Variants in AK9 observed in about 807,000 individuals in gnomAD.
AK9 encodes the protein adenylate kinase 9.
A neutral mutation model predicts 239.6 loss-of-function variants in AK9; 191 were observed. The observed-to-expected ratio is 0.80, with a 90% CI of 0.71 to 0.90. The LOEUF (loss-of-function observed/expected upper bound fraction) is 0.90, where lower values mean the gene tolerates loss of function less well. AK9 is among the 40% of genes least tolerant of loss of function. The probability of loss-of-function intolerance (pLI) is 0.00; values close to 1 mark genes in which losing one functional copy is unlikely to be tolerated. For missense variants in AK9, 1,995 were observed against 2,214.7 expected (o/e 0.90, Z 1.99); for synonymous variants, 689 against 721.0 (o/e 0.96, Z 0.71).
chr6:109,496,136 T>C (rs1777012710), intron 38 of AK9, among the ~76,000 whole-genome samples: 1 of 152,360 alleles, frequency 6.6e-6, no homozygotes, highest in Admixed American at 6.5e-5. Flanking sequence ...GCAGATGGGA[T>C]TTGATCCACA....
At chr6:109,626,265 A>C (rs1279477730) in intron 12 of AK9, among the ~76,000 whole-genome samples, 1 of 152,128 alleles carries the variant, frequency 6.6e-6, no homozygotes, top group Non-Finnish European at 1.5e-5. Flanking sequence ...CACTTTAAAG[A>C]TTTTATCTGC....
intron 1 of AK9, among the ~76,000 whole-genome samples, chr6:109,686,687 C>T (rs980189262): frequency 6.6e-6 from 1 of 152,200 alleles, no homozygotes; most frequent in African/African-American, 2.4e-5. Flanking sequence ...TCTGTAGATC[C>T]TTGCTGTCTG....
chr6:109,502,168 T>C (rs776997893), intron 35 of AK9, among the ~76,000 whole-genome samples: 13 of 152,150 alleles, frequency 8.5e-5, no homozygotes, highest in Non-Finnish European at 1.3e-4. Context: ...ACTGAGTAAC[T>C]TGCTTCGAAT....
Position 109,493,056 on chromosome 6 carries a change from A to C in AK9, c.*313T>G, listed in dbSNP as rs1776684997. ...TTTTCTACTGAAAATGTTAAAAAGG[A>C]AAATAATACATTTATTAAATAAGTC... On this transcript the variant is annotated 3_prime_UTR_variant, in exon 41 of 41. Transcript: ENST00000424296. 5.1e-6 allele frequency: 1 copy of C among 194,686 alleles called. No homozygotes were observed. The highest frequency in any genetic ancestry group is 1.0e-5 in the Non-Finnish European group (1 of 95,826). The allele number at this position is 194,686 out of a possible 1,614,324, so 12.1% of individuals were successfully genotyped here.
chr6:109,640,141 G>A (rs12194157), intron 10 of AK9, among the ~76,000 whole-genome samples: 52,587 of 151,872 alleles, frequency 0.35, 9,572 homozygotes, highest in South Asian at 0.44. Context: ...GCTCTTTTTT[G>A]GTTCCATATG....
chr6:109,538,190 A>G (rs561271679), intron 27 of AK9, among the ~76,000 whole-genome samples: 5 of 152,258 alleles, frequency 3.3e-5, no homozygotes, highest in Admixed American at 1.3e-4. Flanking sequence ...GATCTGTCTA[A>G]TGTTGATAGT....
intron 3 of AK9, among the ~76,000 whole-genome samples, chr6:109,673,289 G>T (rs1246842618): frequency 6.6e-6 from 1 of 152,082 alleles, no homozygotes; most frequent in Non-Finnish European, 1.5e-5. Flanking sequence ...TTTACTAACA[G>T]CATGTGGAAT....
At chr6:109,611,435 C>T (rs749712348) in intron 16 of AK9, among the ~76,000 whole-genome samples, 8 of 152,194 alleles carry the variant, frequency 5.3e-5, no homozygotes, top group Non-Finnish European at 8.8e-5. Context: ...TATCCATTCG[C>T]CTCTTCCTTC....
intron 12 of AK9, among the ~76,000 whole-genome samples, chr6:109,631,338 T>C (rs903133395): frequency 4.0e-5 from 6 of 151,868 alleles, no homozygotes; most frequent in Non-Finnish European, 8.8e-5. Context: ...CTCTTACTAA[T>C]AATATACAAA....
Position 109,494,011 on chromosome 6 carries a change from C to T in AK9, c.5503G>A (p.Ala1835Thr), listed in dbSNP as rs1776784525. ...KFPFLSIRRSALLYIALHLKA... is the reference protein window; with the variant it reads ...KFPFLSIRRSTLLYIALHLKA... ...AGATGAAGTGCTATATATAGCAGTG[C>T]AGATCTCCTTATACTTAAAAAGGGG... Residue 1835 changes from alanine to threonine, a missense_variant, in exon 40 of 41, where the codon GCA (alanine) becomes ACA (threonine). Ala to Thr is a moderately conservative substitution (Grantham distance 58, BLOSUM62 0). Around this residue, in one of 5 missense-constraint regions of AK9, gnomAD observed 391 missense variants for 456.0 expected, o/e 0.86. Transcript: ENST00000424296. 1.9e-6 allele frequency: 3 copies of T among 1,611,636 alleles called. No individual in the cohort carries two copies. The highest frequency in any genetic ancestry group is 2.5e-6 in the Non-Finnish European group (3 of 1,178,504).
chr6:109,598,542 ATGTGTC>A (rs1791401757), intron 17 of AK9, among the ~76,000 whole-genome samples: 1 of 152,182 alleles, frequency 6.6e-6, no homozygotes, highest in Admixed American at 6.5e-5. Flanking sequence ...CTACGTGTGC[ATGTGTC>A]TTTATAGCAG....
chr6:109,608,496 G>T (rs1793192102), intron 17 of AK9, among the ~76,000 whole-genome samples: 1 of 151,932 alleles, frequency 6.6e-6, no homozygotes, highest in Admixed American at 6.6e-5. Flanking sequence ...CCACATTGTG[G>T]TCAATGATTA....
intron 39 of AK9, among the ~76,000 whole-genome samples, chr6:109,494,800 A>G (rs1262931505): frequency 1.4e-5 from 2 of 147,788 alleles, no homozygotes; most frequent in East Asian, 4.0e-4. Flanking sequence ...ATAAAATAGT[A>G]AAGATAGCAG....
intron 23 of AK9, 134 bp from the exon 24 acceptor site, chr6:109,563,846 C>A: frequency 8.3e-7 from 1 of 1,208,040 alleles, no homozygotes; most frequent in Non-Finnish European, 1.1e-6. Context: ...TGCAAATAGG[C>A]CTTTATAAGT....
At chr6:109,589,972 A>AT (rs1397320670) in intron 17 of AK9, among the ~76,000 whole-genome samples, 4 of 151,998 alleles carry the variant, frequency 2.6e-5, no homozygotes, top group Non-Finnish European at 5.9e-5. Flanking sequence ...GTTTGCTAGT[A>AT]TTTTTTTGAG....
At chr6:109,528,755 G>T in intron 29 of AK9, 1 of 574,674 alleles carries the variant, frequency 1.7e-6, no homozygotes, top group Non-Finnish European at 3.2e-6. Flanking sequence ...TGTTTGGCTG[G>T]ACATTTTTAT....
At chr6:109,502,029 A>G (rs1777649294) in intron 35 of AK9, among the ~76,000 whole-genome samples, 1 of 152,208 alleles carries the variant, frequency 6.6e-6, no homozygotes, top group African/African-American at 2.4e-5. Context: ...CCTTCACCAT[A>G]TCATCATATC....
Position 109,614,247 on chromosome 6 carries a change from G to C in AK9, c.1545C>G (p.Thr515=). Residue 515 remains threonine (T), a synonymous_variant, in exon 15 of 41, where the codon ACC becomes ACG. Transcript: ENST00000424296. The part of the protein sequence containing the change: ...QRDRGSSLVD[T]EEAKTKSENV... The stretch of plus-strand genomic sequence containing the variant: ...TTTCTGACTTTGTTTTGGCTTCTTC[G>C]GTGTCCACTAAAGAGCTGCCTCTGT... 2 of 1,551,140 alleles carry C rather than the reference G, an allele frequency of 1.3e-6. No homozygotes were observed. Among genetic ancestry groups the C allele is most frequent in the Non-Finnish European group, 1.7e-6 (2 of 1,146,732 alleles).
At chr6:109,596,058 A>C (rs557449292) in intron 17 of AK9, among the ~76,000 whole-genome samples, 1 of 152,208 alleles carries the variant, frequency 6.6e-6, no homozygotes, top group East Asian at 1.9e-4. Context: ...ATCTATTTCT[A>C]TTGGGTATTG....
Sources: allele counts gnomAD v4.1 joint callset (sites outside exome capture counted in the v4.1 genomes callset), GRCh38; gene constraint gnomAD v4.1.1; regional missense constraint gnomAD v4.1.1; transcripts MANE v1.5; gene names NCBI Gene and HGNC (gene_info 2026-07-23, HGNC 2026-07-21).